CTNND2: variants seen among roughly 807,000 people sequenced by gnomAD.
CTNND2 encodes catenin delta-2.
CTNND2 carries 22 observed loss-of-function variants against 144.4 expected under a neutral mutation model. The observed-to-expected ratio is 0.15, with a 90% CI of 0.11 to 0.22. The LOEUF is 0.22. Ranked by LOEUF, CTNND2 falls within the 10% of genes least tolerant of loss-of-function variation. The probability of loss-of-function intolerance (pLI) is 1.00; values close to 1 mark genes in which losing one functional copy is unlikely to be tolerated. For synonymous variants in CTNND2, 751 were observed against 695.6 expected, an observed-to-expected ratio of 1.08 and a Z score of -1.25; for missense variants, 1,353 against 1,618.8, an observed-to-expected ratio of 0.84 and a Z score of 2.82.
chr5:11,754,875 A>ACTGATGGG (rs1788844005), intron 1 of CTNND2, among the ~76,000 whole-genome samples: 1 of 151,402 alleles, frequency 6.6e-6, no homozygotes, highest in African/African-American at 2.4e-5. Flanking sequence ...AAGACAGTAA[A>ACTGATGGG]TCTTGCTTCT....
At chr5:11,221,383 T>C (rs934409658) in intron 10 of CTNND2, among the ~76,000 whole-genome samples, 18 of 152,218 alleles carry the variant, frequency 1.2e-4, no homozygotes, top group Admixed American at 3.3e-4. Flanking sequence ...AGGGTTATTA[T>C]GCATTTGTAG....
chr5:11,816,367 G>A (rs1161420443), intron 1 of CTNND2, among the ~76,000 whole-genome samples: 1 of 151,984 alleles, frequency 6.6e-6, no homozygotes, highest in East Asian at 2.0e-4. Flanking sequence ...GAAACCAGAT[G>A]TGGTTGGGAG....
intron 3 of CTNND2, among the ~76,000 whole-genome samples, chr5:11,488,678 T>C (rs1174042197): frequency 6.6e-6 from 1 of 152,186 alleles, no homozygotes; most frequent in Non-Finnish European, 1.5e-5. Flanking sequence ...TTCAACTACC[T>C]AAAAATTTCC....
intron 1 of CTNND2, among the ~76,000 whole-genome samples, chr5:11,876,753 T>G (rs895864700): frequency 3.7e-4 from 57 of 152,228 alleles, no homozygotes; most frequent in African/African-American, 1.4e-3. Flanking sequence ...CATTAGGCGC[T>G]TTAATTGGCA....
intron 9 of CTNND2, among the ~76,000 whole-genome samples, chr5:11,343,492 C>A (rs570445192): frequency 6.6e-6 from 1 of 152,286 alleles, no homozygotes; most frequent in Non-Finnish European, 1.5e-5. Context: ...AACTCCTACA[C>A]AGATACTGGT....
At chr5:11,571,549 G>T (rs192623887) in intron 2 of CTNND2, among the ~76,000 whole-genome samples, 2 of 152,240 alleles carry the variant, frequency 1.3e-5, no homozygotes, top group Admixed American at 6.5e-5. Context: ...ACCCCTTCCA[G>T]AGAAAAAGCC....
At chr5:11,741,112 T>C (rs1787977835) in intron 1 of CTNND2, among the ~76,000 whole-genome samples, 1 of 152,206 alleles carries the variant, frequency 6.6e-6, no homozygotes, top group African/African-American at 2.4e-5. Context: ...GCTTTTACAC[T>C]GTTGGTGGGA....
At chr5:11,888,931 T>C (rs1013372698) in intron 1 of CTNND2, among the ~76,000 whole-genome samples, 1 of 152,104 alleles carries the variant, frequency 6.6e-6, no homozygotes, top group Admixed American at 6.6e-5. Flanking sequence ...TTTCTATTTT[T>C]AGTAGAGACA....
intron 2 of CTNND2, among the ~76,000 whole-genome samples, chr5:11,596,349 T>C (rs1779502246): frequency 1.3e-5 from 2 of 152,210 alleles, no homozygotes; most frequent in South Asian, 2.1e-4. Context: ...TGAATAATAC[T>C]CTGTCAAGAC....
chr5:10,972,942 T>C lies in CTNND2; in HGVS notation c.*511A>G, dbSNP rs1735987985. ...CGCGCTTTTCTTCTTTAATCTGTAA[T>C]GTACATCAAATACTTTACAACAATG... On this transcript the variant is annotated 3_prime_UTR_variant, in exon 22 of 22. Coordinates refer to ENST00000304623, the MANE Select transcript of CTNND2 (RefSeq NM_001332.4). 6.5e-6 allele frequency: 1 copy of C among 152,822 alleles called. No homozygotes were observed. Among genetic ancestry groups the C allele is most frequent in the East Asian group, 1.9e-4 (1 of 5,202 alleles). The allele number at this position is 152,822 out of a possible 1,614,324, so 9.5% of individuals were successfully genotyped here.
chr5:11,504,072 ATTATAT>A (rs1394151651), intron 3 of CTNND2, among the ~76,000 whole-genome samples: 2 of 152,240 alleles, frequency 1.3e-5, no homozygotes, highest in Non-Finnish European at 2.9e-5. Flanking sequence ...CTAAAGAATC[ATTATAT>A]TTATCACCGA....
intron 3 of CTNND2, among the ~76,000 whole-genome samples, chr5:11,527,154 G>T (rs932730911): frequency 6.6e-6 from 1 of 151,900 alleles, no homozygotes; most frequent in African/African-American, 2.4e-5. Context: ...AGTGATGGTT[G>T]CACACTATTG....
intron 2 of CTNND2, among the ~76,000 whole-genome samples, chr5:11,587,838 A>G (rs1778973941): frequency 6.6e-6 from 1 of 152,158 alleles, no homozygotes. Context: ...AATCTAAAAT[A>G]TAATTCCACA....
At chr5:11,396,543 C>T (rs1760155310) in intron 6 of CTNND2, among the ~76,000 whole-genome samples, 1 of 152,192 alleles carries the variant, frequency 6.6e-6, no homozygotes, top group Non-Finnish European at 1.5e-5. Flanking sequence ...TATGCCTAAA[C>T]TCATCACAAT....
chr5:11,268,999 G>A (rs1339040442), intron 9 of CTNND2, among the ~76,000 whole-genome samples: 2 of 152,174 alleles, frequency 1.3e-5, no homozygotes, highest in Non-Finnish European at 2.9e-5. Context: ...TGCTCACTCT[G>A]TTCCTTTTAC....
intron 2 of CTNND2, among the ~76,000 whole-genome samples, chr5:11,679,776 C>T (rs1211243868): frequency 1.3e-5 from 2 of 152,194 alleles, no homozygotes; most frequent in Non-Finnish European, 2.9e-5. Context: ...CCAGTGGCTG[C>T]TAATGATATT....
At chr5:11,506,555 C>T (rs1423451496) in intron 3 of CTNND2, among the ~76,000 whole-genome samples, 6 of 152,148 alleles carry the variant, frequency 3.9e-5, no homozygotes, top group African/African-American at 9.7e-5. Flanking sequence ...TTTAGCTGCT[C>T]TTGCTACAAA....
intron 3 of CTNND2, among the ~76,000 whole-genome samples, chr5:11,459,969 A>G (rs1766054067): frequency 6.6e-6 from 1 of 152,206 alleles, no homozygotes; most frequent in South Asian, 2.1e-4. Context: ...CTATTCTTAT[A>G]TTGCAAAATT....
chr5:11,678,201 G>T (rs1352676149), intron 2 of CTNND2, among the ~76,000 whole-genome samples: 7 of 152,144 alleles, frequency 4.6e-5, no homozygotes, highest in African/African-American at 1.7e-4. Flanking sequence ...GAAAACTAAT[G>T]TATCAGATCA....
Sources: allele counts gnomAD v4.1 joint callset (sites outside exome capture counted in the v4.1 genomes callset), GRCh38; gene constraint gnomAD v4.1.1; transcripts MANE v1.5; gene names NCBI Gene and HGNC (gene_info 2026-07-23, HGNC 2026-07-21).